The following PLEKHD1 variants were observed in gnomAD, a reference collection of about 807,000 sequenced individuals.
The protein encoded by PLEKHD1 is pleckstrin homology and coiled-coil domain containing D1.
A neutral mutation model predicts 69.2 loss-of-function variants in PLEKHD1; 51 were observed. That is an observed-to-expected ratio of 0.74 (90% CI 0.59 to 0.93). PLEKHD1 has a LOEUF of 0.93. Ranked by LOEUF, PLEKHD1 falls within the 40% of genes least tolerant of loss-of-function variation. PLEKHD1 has a pLI of 0.00. For synonymous variants in PLEKHD1, 236 were observed against 244.7 expected, an observed-to-expected ratio of 0.96 and a Z score of 0.33; for missense variants, 584 against 641.0, an observed-to-expected ratio of 0.91 and a Z score of 0.96.
At chr14:69,482,862 C>G (rs1882566214), upstream of PLEKHD1, among the ~76,000 whole-genome samples, 1 of 148,728 alleles carries the variant, frequency 6.7e-6, no homozygotes, top group African/African-American at 2.5e-5. Context: ...TCAAGACCAG[C>G]CTGGGCAACA....
chr14:69,488,562 A>G (rs1020523256), intron 1 of PLEKHD1, among the ~76,000 whole-genome samples: 1 of 152,086 alleles, frequency 6.6e-6, no homozygotes, highest in Non-Finnish European at 1.5e-5. Flanking sequence ...ATAAACTTCT[A>G]TTCTTCAAAC....
At chr14:69,497,923 C>G (rs1364355636) in intron 1 of PLEKHD1, among the ~76,000 whole-genome samples, 1 of 152,098 alleles carries the variant, frequency 6.6e-6, no homozygotes, top group Admixed American at 6.5e-5. Context: ...TACAGTGGCT[C>G]AGCCTGTAAT....
chr14:69,515,642 G>A (rs565811449), intron 6 of PLEKHD1, among the ~76,000 whole-genome samples: 1 of 152,226 alleles, frequency 6.6e-6, no homozygotes, highest in African/African-American at 2.4e-5. Flanking sequence ...AATCATGGCA[G>A]ATGGTGAAGG....
the PLEKHD1 span, among the ~76,000 whole-genome samples, chr14:69,478,286 T>G: frequency 6.6e-6 from 1 of 152,138 alleles, no homozygotes. Flanking sequence ...GACCGGCCCA[T>G]GAAACCACTT....
intron 1 of PLEKHD1, among the ~76,000 whole-genome samples, chr14:69,492,714 A>G (rs1388438133): frequency 1.3e-5 from 2 of 152,204 alleles, no homozygotes; most frequent in Non-Finnish European, 2.9e-5. Flanking sequence ...TTACTAGAAC[A>G]GTGTTTAGCA....
chr14:69,472,653 C>T, the PLEKHD1 span, among the ~76,000 whole-genome samples: 1 of 152,208 alleles, frequency 6.6e-6, no homozygotes, highest in Non-Finnish European at 1.5e-5. Context: ...CATTGCATTG[C>T]AACTGGCTAC....
chr14:69,498,463 C>T (rs557024672), intron 1 of PLEKHD1, among the ~76,000 whole-genome samples: 28 of 152,298 alleles, frequency 1.8e-4, no homozygotes, highest in African/African-American at 6.0e-4. Flanking sequence ...CCTCAGATGG[C>T]AGCTGCCAGT....
At chr14:69,494,549 C>T (rs1361671403) in intron 1 of PLEKHD1, among the ~76,000 whole-genome samples, 3 of 152,226 alleles carry the variant, frequency 2.0e-5, no homozygotes, top group Non-Finnish European at 4.4e-5. Context: ...AATAAAATGC[C>T]CAACCGTCCA....
Position 69,526,732 on chromosome 14 carries a change from A to G in PLEKHD1, c.959A>G (p.Glu320Gly). The G allele has an allele frequency of 2.6e-6, 4 of 1,546,654 alleles. No homozygotes were observed. The highest frequency in any genetic ancestry group is 3.5e-6 in the Non-Finnish European group (4 of 1,144,406). The change falls in exon 10 of 13, where the codon GAG becomes GGG. Residue 320 changes from glutamate to glycine, a missense_variant. Transcript: ENST00000322564. ...AACGAGGAGCGCTCACGGGCCCTGG[A>G]GGAGGAGCGTGAGTTCTACTCCAGC... ...KENEERSRAL[E>G]EEREFYSSQS...
intron 6 of PLEKHD1, among the ~76,000 whole-genome samples, chr14:69,516,447 G>C (rs1440782386): frequency 1.3e-5 from 2 of 151,802 alleles, no homozygotes; most frequent in African/African-American, 2.4e-5. Flanking sequence ...CAGTTTTATG[G>C]ACTGCCTTTT....
chr14:69,469,759 T>C, the PLEKHD1 span, among the ~76,000 whole-genome samples: 2 of 152,104 alleles, frequency 1.3e-5, no homozygotes, highest in African/African-American at 4.8e-5. Context: ...TCTCACTCTG[T>C]TGCACAGGCT....
chr14:69,484,588 CG>C, upstream of PLEKHD1: 1 of 166,202 alleles, frequency 6.0e-6, no homozygotes, highest in South Asian at 1.8e-4. Context: ...GATTGGCGCC[CG>C]AGGCCGGCCT....
chr14:69,475,748 A>ACG, the PLEKHD1 span, among the ~76,000 whole-genome samples: 1 of 151,966 alleles, frequency 6.6e-6, no homozygotes, highest in African/African-American at 2.4e-5. Context: ...TTCTGTGCCC[A>ACG]CACACCCTTG....
intron 1 of PLEKHD1, 149 bp from the exon 2 acceptor site, chr14:69,499,966 G>C: frequency 4.8e-6 from 3 of 627,256 alleles, no homozygotes. Context: ...CCTTTGTGAG[G>C]GTGTGGAGCT....
chr14:69,522,176 C>A, intron 6 of PLEKHD1, 107 bp from the exon 7 acceptor site: 1 of 1,004,634 alleles, frequency 1.0e-6, no homozygotes, highest in Non-Finnish European at 1.5e-6. Context: ...AGCACATGAC[C>A]CAGGCTGTGC....
chr14:69,514,506 CA>C (rs762703164), intron 6 of PLEKHD1, among the ~76,000 whole-genome samples: 2 of 152,090 alleles, frequency 1.3e-5, no homozygotes, highest in Non-Finnish European at 2.9e-5. Flanking sequence ...GCTCTTAATA[CA>C]TTAATCTTAG....
intron 1 of PLEKHD1, among the ~76,000 whole-genome samples, chr14:69,499,540 T>C (rs1882974561): frequency 6.6e-6 from 1 of 151,968 alleles, no homozygotes; most frequent in South Asian, 2.1e-4. Context: ...AGCACCAAAG[T>C]CACAGAGCCC....
At chr14:69,469,323 G>A in the PLEKHD1 span, among the ~76,000 whole-genome samples, 1 of 152,180 alleles carries the variant, frequency 6.6e-6, no homozygotes, top group East Asian at 1.9e-4. Flanking sequence ...CTATGAATAA[G>A]GTCAGGTTGG....
intron 11 of PLEKHD1, 90 bp downstream of exon 11, chr14:69,527,422 G>C (rs1883681578): frequency 6.6e-7 from 1 of 1,511,712 alleles, no homozygotes; most frequent in East Asian, 2.5e-5. Flanking sequence ...ACCCACACAG[G>C]GTCTGCTAGG....
Sources: allele counts gnomAD v4.1 joint callset (sites outside exome capture counted in the v4.1 genomes callset), GRCh38; gene constraint gnomAD v4.1.1; transcripts MANE v1.5; gene names NCBI Gene and HGNC (gene_info 2026-07-23, HGNC 2026-07-21).